The following GCFC2 variants were observed in gnomAD, a reference collection of about 807,000 sequenced individuals.
GCFC2 encodes the protein intron Large complex component GCFC2.
GCFC2 carries 102 observed loss-of-function variants against 99.4 expected under a neutral mutation model. That is an observed-to-expected ratio of 1.03 (90% confidence interval 0.87 to 1.21). GCFC2 has a LOEUF of 1.21. GCFC2 is among the 50% of genes most tolerant of loss of function. The pLI, the probability that GCFC2 is intolerant of heterozygous loss-of-function variation, is 0.00. For missense variants in GCFC2, 973 were observed against 920.9 expected (o/e 1.06, Z -0.73); for synonymous variants, 338 against 316.8 (o/e 1.07, Z -0.71).
intron 11 of GCFC2, among the ~76,000 whole-genome samples, chr2:75,680,885 T>A (rs1199543428): frequency 6.6e-6 from 1 of 152,294 alleles, no homozygotes; most frequent in African/African-American, 2.4e-5. Context: ...CACACCTACC[T>A]ACATCTGTGC....
Position 75,680,389 on chromosome 2 carries a change from C to A in GCFC2, c.1691-75G>T, listed in dbSNP as rs964564022. 1.7e-5 allele frequency: 20 copies of A among 1,183,802 alleles called. No individual in the cohort carries two copies. In the African/African-American group the frequency reaches 2.9e-4, roughly 17 times the overall value. The allele number at this position is 1,183,802 out of a possible 1,614,324, so 73.3% of individuals were successfully genotyped here. A position where few individuals can be genotyped will look rare whatever the true frequency, so the allele number is the denominator to read the frequency against. ...CTTTTCATATACAAATAATCAAGAC[C>A]TTTAACAAACACTACTTCCCTCCTT... On this transcript the variant is annotated intron_variant, in intron 11 of 16. Coordinates refer to ENST00000321027, the MANE Select transcript of GCFC2 (RefSeq NM_003203.5).
At chr2:75,672,190 ATATT>A (rs1484933737) in intron 13 of GCFC2, among the ~76,000 whole-genome samples, 174 bp from the exon 14 acceptor site, 1 of 144,782 alleles carries the variant, frequency 6.9e-6, no homozygotes, top group Admixed American at 7.0e-5. Flanking sequence ...TATAAAATAT[ATATT>A]TATATATTTA....
chr2:75,683,771 C>CAA (rs749580096), intron 11 of GCFC2, among the ~76,000 whole-genome samples: 150 of 60,394 alleles, frequency 2.5e-3, no homozygotes, highest in African/African-American at 8.9e-3. Flanking sequence ...AAATGGAAAG[C>CAA]AAAAAAAAAA....
At chr2:75,671,144 A>G (rs952497394) in intron 14 of GCFC2, among the ~76,000 whole-genome samples, 7 of 152,140 alleles carry the variant, frequency 4.6e-5, no homozygotes, top group African/African-American at 1.7e-4. Flanking sequence ...AGCTTCCTTG[A>G]GGCCATTCTC....
At chr2:75,683,835 T>C (rs1315882221) in intron 11 of GCFC2, among the ~76,000 whole-genome samples, 8 of 143,184 alleles carry the variant, frequency 5.6e-5, no homozygotes. Flanking sequence ...TAGTCTCTGA[T>C]AAAACAGACT....
chr2:75,694,663 T>C (rs572234498), intron 5 of GCFC2, among the ~76,000 whole-genome samples: 1 of 152,286 alleles, frequency 6.6e-6, no homozygotes, highest in South Asian at 2.1e-4. Context: ...TTGCTTTATA[T>C]AAAGGAGAGT....
intron 2 of GCFC2, among the ~76,000 whole-genome samples, chr2:75,703,565 T>A (rs1040716182): frequency 1.3e-5 from 2 of 152,216 alleles, no homozygotes; most frequent in African/African-American, 4.8e-5. Context: ...ATGAAGTGAT[T>A]TGCTTTTTTA....
At chr2:75,705,616 C>CAAAA (rs34447327) in intron 2 of GCFC2, among the ~76,000 whole-genome samples, 12,054 of 82,436 alleles carry the variant, frequency 0.15, 1,434 homozygotes, top group South Asian at 0.2. Flanking sequence ...GACTCCATCT[C>CAAAA]AAAAAAAAAA....
At position 75,690,636 on chromosome 2, in the gene GCFC2, A is replaced by C; in HGVS notation, c.1226+2T>G. 1 of 1,364,478 alleles carries C rather than the reference A, an allele frequency of 7.3e-7. No homozygotes were observed. Among genetic ancestry groups the C allele is most frequent in the Non-Finnish European group, 1.0e-6 (1 of 961,150 alleles). The allele number at this position is 1,364,478 out of a possible 1,614,324, so 84.5% of individuals were successfully genotyped here. A position where few individuals can be genotyped will look rare whatever the true frequency, so the allele number is the denominator to read the frequency against. The stretch of plus-strand genomic sequence containing the variant: ...CTTTAAATCTTCACTTTATATAGGT[A>C]CCTTCGAGATTCAATCTCTTCTAAA... On this transcript the variant is annotated splice_donor_variant, in intron 8 of 16. Transcript: ENST00000321027. LOFTEE classifies it high-confidence loss of function.
intron 11 of GCFC2, among the ~76,000 whole-genome samples, chr2:75,683,771 C>CAAAAAAAAAAAAAAAAAAA (rs749580096): frequency 6.6e-4 from 40 of 60,384 alleles, no homozygotes; most frequent in Non-Finnish European, 8.9e-4. Context: ...AAATGGAAAG[C>CAAAAAAAAAAAAAAAAAAA]AAAAAAAAAA....
intron 4 of GCFC2, among the ~76,000 whole-genome samples, 161 bp downstream of exon 4, chr2:75,701,029 A>T (rs1045881536): frequency 6.6e-6 from 1 of 152,176 alleles, no homozygotes; most frequent in Non-Finnish European, 1.5e-5. Flanking sequence ...ACAACCCCCC[A>T]GGGCCTTTGG....
Position 75,710,843 on chromosome 2 carries a change from G to C in GCFC2, c.13C>G (p.Pro5Ala), listed in dbSNP as rs745912200. 12 of 1,572,792 alleles carry C rather than the reference G, an allele frequency of 7.6e-6. No individual in the cohort carries two copies. Among genetic ancestry groups the C allele is most frequent in the Non-Finnish European group, 9.4e-6 (11 of 1,167,604 alleles). MAHR[P>A]KRTFRQRAAD... Reference sequence around the variant, plus strand: ...GCGCGCTGCCGAAAAGTCCTTTTCGGCCTGTGAGCCATGGCCGAGGCCCGA... The same window carrying C: ...GCGCGCTGCCGAAAAGTCCTTTTCGCCCTGTGAGCCATGGCCGAGGCCCGA... The change falls in exon 1 of 17, where the codon CCG becomes GCG. Residue 5 changes from proline (P) to alanine (A), a missense_variant. Coordinates refer to ENST00000321027, the MANE Select transcript of GCFC2 (RefSeq NM_003203.5).
At chr2:75,679,832 C>A in intron 12 of GCFC2, 2 of 403,914 alleles carry the variant, frequency 5.0e-6, no homozygotes, top group South Asian at 1.2e-4. Flanking sequence ...GAACACAAAT[C>A]AGATCACTGA....
chr2:75,703,229 G>C (rs1363160455), intron 2 of GCFC2, among the ~76,000 whole-genome samples: 1 of 152,026 alleles, frequency 6.6e-6, no homozygotes, highest in Non-Finnish European at 1.5e-5. Flanking sequence ...CTACATTAAA[G>C]AAACAGCGAG....
chr2:75,697,787 T>G (rs6749244), intron 4 of GCFC2: 32,094 of 152,174 alleles, frequency 0.21, 5,058 homozygotes, highest in African/African-American at 0.45. Context: ...GATAGGGAAT[T>G]TTGGGACACA....
At chr2:75,706,741 A>G (rs1232511730) in intron 1 of GCFC2, 90 bp from the exon 2 acceptor site, 1 of 790,982 alleles carries the variant, frequency 1.3e-6, no homozygotes, top group African/African-American at 1.7e-5. Context: ...CATATGTATA[A>G]TACGGTGTTT....
rs547449604 is a variant in GCFC2, at chr2:75,706,561, C to T, written c.356G>A (p.Ser119Asn). Reference protein sequence around the residue: ...SKDDQGLSSDSSSSLGEKELS... With the variant: ...SKDDQGLSSDNSSSLGEKELS... ...TTCTTTTTCTCCAAGAGAGCTAGAACTGTCAGAAGACAAACCCTGATCATC... is the reference window on the plus strand; with the variant it reads ...TTCTTTTTCTCCAAGAGAGCTAGAATTGTCAGAAGACAAACCCTGATCATC... Residue 119 changes from serine to asparagine, a missense_variant, in exon 2 of 17, where the codon AGT becomes AAT. By Grantham distance (46) the Ser-to-Asn change is conservative (BLOSUM62 1). Transcript: ENST00000321027. 12 of 1,604,648 alleles carry T rather than the reference C, an allele frequency of 7.5e-6. No homozygotes were observed. In the African/African-American group the frequency reaches 1.3e-4, roughly 18 times the overall value.
chr2:75,705,061 T>G (rs538921714), intron 2 of GCFC2, among the ~76,000 whole-genome samples: 1 of 152,316 alleles, frequency 6.6e-6, no homozygotes, highest in South Asian at 2.1e-4. Context: ...TTTCTCAGTC[T>G]CGCTATAGCC....
At chr2:75,681,392 T>C (rs933168437) in intron 11 of GCFC2, among the ~76,000 whole-genome samples, 9 of 151,972 alleles carry the variant, frequency 5.9e-5, no homozygotes, top group Admixed American at 1.3e-4. Context: ...AACAGTGCAC[T>C]CCAGCCCAGA....
Sources: allele counts gnomAD v4.1 joint callset (sites outside exome capture counted in the v4.1 genomes callset), GRCh38; gene constraint gnomAD v4.1.1; transcripts MANE v1.5; gene names NCBI Gene and HGNC (gene_info 2026-07-23, HGNC 2026-07-21).